The following COG6 variants were observed in gnomAD, a reference collection of about 807,000 sequenced individuals.
The protein encoded by COG6 is component of oligomeric golgi complex 6, also known as conserved oligomeric Golgi complex subunit 6.
COG6 carries 74 observed loss-of-function variants against 88.8 expected under a neutral mutation model. The observed-to-expected ratio is 0.83, with a 90% CI of 0.69 to 1.01. COG6 has a LOEUF of 1.01. COG6 is among the 50% of genes least tolerant of loss of function. The pLI, the probability that COG6 is intolerant of heterozygous loss-of-function variation, is 0.00. For synonymous variants in COG6, 286 were observed against 278.7 expected, an observed-to-expected ratio of 1.03 and a Z score of -0.26; for missense variants, 800 against 797.9, an observed-to-expected ratio of 1.00 and a Z score of -0.03.
chr13:39,668,225 T>G (rs1442836550), intron 4 of COG6, among the ~76,000 whole-genome samples: 1 of 152,162 alleles, frequency 6.6e-6, no homozygotes, highest in African/African-American at 2.4e-5. Context: ...AACTGTGTTT[T>G]TTTGATTAAT....
At position 39,751,988 on chromosome 13, in the gene COG6, A is replaced by G. The variant is rs759444813; in HGVS notation, c.*895A>G. On this transcript the variant is annotated 3_prime_UTR_variant, in exon 19 of 19. Transcript: ENST00000455146. Reference sequence around the variant, plus strand: ...ACAATGATCTACTCAAACATTGGAGAAAAAAACTGCCAGAGGAGGAGTTGC... The same window carrying G: ...ACAATGATCTACTCAAACATTGGAGGAAAAAACTGCCAGAGGAGGAGTTGC... 38 of 1,242,708 alleles carry G rather than the reference A, an allele frequency of 3.1e-5. No individual in the cohort carries two copies. The African/African-American group carries it at 4.0e-4, about 13-fold the overall frequency. 77.0% of individuals were successfully genotyped at this position (1,242,708 alleles called of 1,614,324 possible).
upstream of COG6, chr13:39,655,641 G>T (rs1311252767): frequency 6.8e-7 from 1 of 1,472,478 alleles, no homozygotes; most frequent in Non-Finnish European, 9.3e-7. Flanking sequence ...CGCATGCGCG[G>T]CCGATTTGCA....
intron 6 of COG6, 64 bp downstream of exon 6, chr13:39,679,684 C>T: frequency 1.0e-6 from 1 of 981,488 alleles, no homozygotes; most frequent in Non-Finnish European, 1.7e-6. Flanking sequence ...TAAAGATATT[C>T]TAGATTGTTT....
At chr13:39,755,717 G>A (rs1880813603), downstream of COG6, among the ~76,000 whole-genome samples, 1 of 152,148 alleles carries the variant, frequency 6.6e-6, no homozygotes, top group Non-Finnish European at 1.5e-5. Flanking sequence ...GAAGGCAGAA[G>A]CAAAGTTAGA....
At position 39,774,545 on chromosome 13, in the gene COG6, A is replaced by G. The variant is rs1024700870; in HGVS notation, c.1827-13790A>G. The stretch of plus-strand genomic sequence containing the variant: ...CAGAATTTTAAATATTTTTACATCT[A>G]GGAAGTTCACAAAGTTGGAAAAAAA... On this transcript the variant is annotated intron_variant, in intron 18 of 18. Coordinates refer to the COG6 transcript ENST00000416691. Among the ~76,000 whole-genome samples the G allele has an allele frequency of 6.6e-5, 10 of 151,766 alleles. 1 individual carries two copies. In the South Asian group the frequency reaches 2.1e-3, roughly 32 times the overall value.
At chr13:39,757,382 T>G (rs572921187), downstream of COG6, among the ~76,000 whole-genome samples, 217 of 151,958 alleles carry the variant, frequency 1.4e-3, no homozygotes, top group African/African-American at 4.7e-3. Flanking sequence ...TAAATTAACC[T>G]AATCAATAAC....
intron 18 of COG6, among the ~76,000 whole-genome samples, chr13:39,736,440 C>A (rs1879748256): frequency 6.6e-6 from 1 of 152,148 alleles, no homozygotes; most frequent in South Asian, 2.1e-4. Context: ...CGCCTGTAAT[C>A]CCAACACTTT....
chr13:39,779,573 G>A (rs1881567363), intron 18 of COG6, among the ~76,000 whole-genome samples: 1 of 152,180 alleles, frequency 6.6e-6, no homozygotes, highest in Admixed American at 6.5e-5. Flanking sequence ...TCAACATCAT[G>A]GAGATGAGAA....
At position 39,706,255 on chromosome 13, in the gene COG6, TTA is replaced by T. The variant is rs71298976; in HGVS notation, c.1284+6659_1284+6660del. ...CTCCTTTATATATATATATACTCCT[TTA>T]TATATATATATATATATATATTTAA... On this transcript the variant is annotated intron_variant, in intron 13 of 18. Coordinates refer to ENST00000455146, the MANE Select transcript of COG6 (RefSeq NM_020751.3). Among the ~76,000 whole-genome samples, 181 of 114,674 alleles carry T rather than the reference TTA, an allele frequency of 1.6e-3. 3 individuals carry two copies. Among genetic ancestry groups the T allele is most frequent in the East Asian group, 5.4e-3 (21 of 3,920 alleles). The allele number at this position is 114,674 out of a possible 152,430, so 75.2% of individuals were successfully genotyped here.
chr13:39,762,386 A>G (rs2138165589), intron 18 of COG6, among the ~76,000 whole-genome samples: 1 of 152,034 alleles, frequency 6.6e-6, no homozygotes, highest in Admixed American at 6.5e-5. Context: ...GAGTGGGGAT[A>G]GTCAGAGGTT....
chr13:39,691,636 C>A lies in COG6; in HGVS notation c.1074+1812C>A, dbSNP rs192048623. ...GTAATCCAGCAACTCTCATACCTTCCCTTCCTTATATACTGATAGACAGTG... is the reference window on the plus strand; with the variant it reads ...GTAATCCAGCAACTCTCATACCTTCACTTCCTTATATACTGATAGACAGTG... On this transcript the variant is annotated intron_variant, in intron 11 of 18. Transcript: ENST00000455146. Among the ~76,000 whole-genome samples, 86 of 151,970 alleles carry A rather than the reference C, an allele frequency of 5.7e-4. 1 individual carries two copies. In the Middle Eastern group the frequency reaches 0.024, roughly 42 times the overall value.
chr13:39,748,457 A>T (rs2138142873), intron 18 of COG6, among the ~76,000 whole-genome samples: 1 of 152,192 alleles, frequency 6.6e-6, no homozygotes, highest in East Asian at 1.9e-4. Context: ...TCTACTAAAA[A>T]TACAAAAATT....
At chr13:39,671,616 C>T (rs1461637870) in intron 4 of COG6, among the ~76,000 whole-genome samples, 2 of 151,794 alleles carry the variant, frequency 1.3e-5, no homozygotes, top group Admixed American at 1.3e-4. Flanking sequence ...AAATATTTTA[C>T]AAAACTTAAG....
chr13:39,745,235 G>A (rs1880277711), intron 18 of COG6, among the ~76,000 whole-genome samples: 1 of 152,008 alleles, frequency 6.6e-6, no homozygotes, highest in Non-Finnish European at 1.5e-5. Context: ...GCCAAAGTAG[G>A]AAAATAGGAT....
intron 18 of COG6, among the ~76,000 whole-genome samples, chr13:39,744,054 C>T (rs1456931720): frequency 1.3e-5 from 2 of 152,106 alleles, no homozygotes; most frequent in Non-Finnish European, 2.9e-5. Context: ...AATTCCACAG[C>T]CCTTCATGCT....
At chr13:39,668,740 A>G (rs1015097878) in intron 4 of COG6, among the ~76,000 whole-genome samples, 3 of 151,586 alleles carry the variant, frequency 2.0e-5, no homozygotes, top group Admixed American at 2.0e-4. Context: ...GTGAGCTGAG[A>G]ACGCGCCACT....
chr13:39,659,278 A>C, intron 1 of COG6, 86 bp from the exon 2 acceptor site: 1 of 1,264,228 alleles, frequency 7.9e-7, no homozygotes, highest in Non-Finnish European at 1.1e-6. Context: ...AAATCATTTG[A>C]AAATGATTTC....
chr13:39,683,258 A>G (rs1052499843), intron 8 of COG6, among the ~76,000 whole-genome samples: 2 of 152,230 alleles, frequency 1.3e-5, no homozygotes, highest in Admixed American at 1.3e-4. Context: ...TTGATAGTCT[A>G]GAAGTCATGT....
At chr13:39,789,247 G>A (rs1263348745) in exon 19 of COG6, 1 of 152,112 alleles carries the variant, frequency 6.6e-6, no homozygotes, top group East Asian at 1.9e-4. Context: ...AAATAATGCT[G>A]CCTCGATTTT....
Sources: gnomAD v4.1 joint callset for allele counts (sites outside exome capture counted in the v4.1 genomes callset) on GRCh38, gnomAD v4.1.1 for gene constraint, MANE v1.5 for transcripts, NCBI Gene and HGNC (gene_info 2026-07-23, HGNC 2026-07-21) for gene names.